TNNC2: variants seen among roughly 807,000 people sequenced by gnomAD.
TNNC2 encodes the protein troponin C2, fast skeletal type.
TNNC2 carries 14 observed loss-of-function variants against 20.0 expected under a neutral mutation model. The ratio of observed to expected loss-of-function variants is 0.70; its 90% CI spans 0.46 to 1.09. TNNC2 has a LOEUF of 1.09. Ranked by LOEUF, TNNC2 falls within the 50% of genes least tolerant of loss-of-function variation. The pLI, the probability that TNNC2 is intolerant of heterozygous loss-of-function variation, is 0.00. For synonymous variants in TNNC2, 81 were observed against 77.3 expected (o/e 1.05, Z -0.25); for missense variants, 163 against 223.8 (o/e 0.73, Z 1.73).
chr20:45,831,696 G>A (rs1010323560), upstream of TNNC2, among the ~76,000 whole-genome samples: 3 of 152,120 alleles, frequency 2.0e-5, no homozygotes, highest in African/African-American at 7.2e-5. Context: ...TAATAATAGT[G>A]GAGAATGCGC....
intron 1 of TNNC2, among the ~76,000 whole-genome samples, chr20:45,826,626 G>A (rs1982977405): frequency 6.6e-6 from 1 of 152,206 alleles, no homozygotes; most frequent in Non-Finnish European, 1.5e-5. Flanking sequence ...AGTCAGGCAT[G>A]GGCAACAGCA....
upstream of TNNC2, among the ~76,000 whole-genome samples, chr20:45,829,300 A>C (rs1158303125): frequency 6.6e-6 from 1 of 151,362 alleles, no homozygotes. Context: ...GAGTAGCCGG[A>C]ATTACAGGCA....
chr20:45,823,930 C>T lies in TNNC2; in HGVS notation c.451+61G>A. Reference sequence around the variant, plus strand: ...AAGGACACTGCACCGGAGCCAGGCACCAGTGCCCGCCGTCCTCTGGGGCTC... The same window carrying T: ...AAGGACACTGCACCGGAGCCAGGCATCAGTGCCCGCCGTCCTCTGGGGCTC... On this transcript the variant is annotated intron_variant, in intron 5 of 5. Transcript: ENST00000372555. This position sits in a 1 kb window ranked among gnomAD's most constrained non-coding sequence, Gnocchi z 4.6. 1.9e-6 allele frequency: 3 copies of T among 1,607,736 alleles called. No homozygotes were observed. Among genetic ancestry groups the T allele is most frequent in the Non-Finnish European group, 2.6e-6 (3 of 1,176,234 alleles).
chr20:45,823,851 C>T lies in TNNC2; in HGVS notation c.451+140G>A. On this transcript the variant is annotated intron_variant, in intron 5 of 5. Transcript: ENST00000372555. This position sits in a 1 kb window ranked among gnomAD's most constrained non-coding sequence, Gnocchi z 4.6. ...TCGTGGAGCGCTTCTATACCTGCCC[C>T]CAGGAGACTATGGGGAACTTGGTGA... 7.0e-7 allele frequency: 1 copy of T among 1,421,124 alleles called. No individual in the cohort carries two copies. Among genetic ancestry groups the T allele is most frequent in the Non-Finnish European group, 9.5e-7 (1 of 1,049,226 alleles). The allele number at this position is 1,421,124 out of a possible 1,614,324, so 88.0% of individuals were successfully genotyped here.
At chr20:45,827,173 C>G in intron 1 of TNNC2, 73 bp downstream of exon 1, 1 of 1,598,548 alleles carries the variant, frequency 6.3e-7, no homozygotes, top group Non-Finnish European at 8.6e-7. Flanking sequence ...CCCCACAGAG[C>G]ACCCAGGCCT....
chr20:45,829,512 G>A (rs1983059372), upstream of TNNC2, among the ~76,000 whole-genome samples: 1 of 151,730 alleles, frequency 6.6e-6, no homozygotes, highest in Non-Finnish European at 1.5e-5. Context: ...GGGCACGGTG[G>A]CTCAGGCCTG....
intron 2 of TNNC2, 58 bp from the exon 3 acceptor site, chr20:45,824,696 ACC>A: frequency 2.9e-6 from 4 of 1,385,630 alleles, no homozygotes; most frequent in Admixed American, 2.1e-5. Context: ...CCTCACACCT[ACC>A]CCCCCCCAAC....
At position 45,823,868 on chromosome 20, in the gene TNNC2, A is replaced by T; in HGVS notation, c.451+123T>A. 1 of 1,504,538 alleles carries T rather than the reference A, an allele frequency of 6.6e-7. No homozygotes were observed. The highest frequency in any genetic ancestry group is 9.0e-7 in the Non-Finnish European group (1 of 1,113,940). 93.2% of individuals were successfully genotyped at this position (1,504,538 alleles called of 1,614,324 possible). A position where few individuals can be genotyped will look rare whatever the true frequency, so the allele number is the denominator to read the frequency against. ...ACCTGCCCCCAGGAGACTATGGGGA[A>T]CTTGGTGAAGTTACGCCCAGCCCAG... On this transcript the variant is annotated intron_variant, in intron 5 of 5. Transcript: ENST00000372555. The surrounding 1 kb of genome is among the most constrained non-coding windows in gnomAD (Gnocchi z 4.6).
chr20:45,829,780 C>T (rs1244813913), upstream of TNNC2, among the ~76,000 whole-genome samples: 2 of 145,422 alleles, frequency 1.4e-5, no homozygotes, highest in Non-Finnish European at 3.0e-5. Context: ...AGCAAGACCC[C>T]GTCTCAAAAA....
At chr20:45,827,873 G>A (rs571370559), upstream of TNNC2, among the ~76,000 whole-genome samples, 9 of 152,272 alleles carry the variant, frequency 5.9e-5, no homozygotes, top group East Asian at 7.7e-4. Flanking sequence ...GGAATGTCCC[G>A]TCTTTGAACC....
upstream of TNNC2, among the ~76,000 whole-genome samples, chr20:45,830,068 C>G (rs1039755126): frequency 6.6e-6 from 1 of 151,550 alleles, no homozygotes; most frequent in African/African-American, 2.4e-5. Context: ...GGCACGGTGG[C>G]TCATGCCTGT....
intron 3 of TNNC2, 22 bp from the exon 4 acceptor site, chr20:45,824,428 C>T: frequency 1.2e-6 from 2 of 1,611,070 alleles, no homozygotes; most frequent in Non-Finnish European, 1.7e-6. Context: ...AGGTGGCAGA[C>T]TGAGCCTGAG....
In TNNC2 at chr20:45,824,847, CAG is replaced by C; in HGVS notation, c.4-15_4-14del. The C allele has an allele frequency of 6.2e-7, 1 of 1,614,170 alleles. No homozygotes were observed. Among genetic ancestry groups the C allele is most frequent in the Non-Finnish European group, 8.5e-7 (1 of 1,180,026 alleles). ...CCTGCTGGTCCGTCTGCAGGAGACA[CAG>C]AGAAAGTCTGAGCTGAAGAGGCAGC... On this transcript the variant is annotated splice_polypyrimidine_tract_variant and intron_variant, in intron 1 of 5. Transcript: ENST00000372555.
At chr20:45,825,076 T>C (rs974911939) in intron 1 of TNNC2, among the ~76,000 whole-genome samples, 18 of 152,186 alleles carry the variant, frequency 1.2e-4, no homozygotes, top group Non-Finnish European at 2.6e-4. Context: ...CTCAACCTCC[T>C]GGGCTCAAGC....
At position 45,827,231 on chromosome 20, in the gene TNNC2, C is replaced by A. The variant is rs760199504; in HGVS notation, c.3+15G>T. The A allele has an allele frequency of 9.9e-6, 16 of 1,614,006 alleles. No individual in the cohort carries two copies. Among genetic ancestry groups the A allele is most frequent in the Non-Finnish European group, 1.3e-5 (15 of 1,180,012 alleles). On this transcript the variant is annotated intron_variant, in intron 1 of 5. Coordinates refer to ENST00000372555, the MANE Select transcript of TNNC2 (RefSeq NM_003279.3). Reference sequence around the variant, plus strand: ...CTCCCGTGAGTAAAGGCACAAAGTCCCCTCTTGTCCTTACCATGGTTGCTG... The same window carrying A: ...CTCCCGTGAGTAAAGGCACAAAGTCACCTCTTGTCCTTACCATGGTTGCTG...
At chr20:45,825,603 T>C (rs1471139975) in intron 1 of TNNC2, among the ~76,000 whole-genome samples, 4 of 151,566 alleles carry the variant, frequency 2.6e-5, no homozygotes, top group Admixed American at 2.0e-4. Flanking sequence ...GACCCCAGTT[T>C]TTTTTGTTTG....
upstream of TNNC2, among the ~76,000 whole-genome samples, chr20:45,830,791 T>C (rs1601058771): frequency 3.3e-5 from 5 of 152,196 alleles, no homozygotes; most frequent in Non-Finnish European, 7.3e-5. Flanking sequence ...TCCGTATCAC[T>C]GAGTATACCC....
intron 2 of TNNC2, chr20:45,833,172 G>C (rs1419663018): frequency 8.7e-6 from 1 of 114,772 alleles, no homozygotes. Flanking sequence ...GAAAGAGAGA[G>C]AGAGAAAGAA....
intron 2 of TNNC2, among the ~76,000 whole-genome samples, chr20:45,832,586 A>C (rs1055867570): frequency 1.3e-5 from 2 of 152,186 alleles, no homozygotes; most frequent in South Asian, 2.1e-4. Context: ...AGGGAGCTGA[A>C]ATACCTTCTG....
Sources: allele counts gnomAD v4.1 joint callset (sites outside exome capture counted in the v4.1 genomes callset), GRCh38; gene constraint gnomAD v4.1.1; non-coding constraint Gnocchi (gnomAD v3.1); transcripts MANE v1.5; gene names NCBI Gene and HGNC (gene_info 2026-07-23, HGNC 2026-07-21).